KDM4C: variants seen among roughly 807,000 people sequenced by gnomAD.
The protein encoded by KDM4C is lysine demethylase 4C, also known as lysine-specific demethylase 4C.
A neutral mutation model predicts 129.3 loss-of-function variants in KDM4C; 81 were observed. That is an observed-to-expected ratio of 0.63 (90% CI 0.52 to 0.75). KDM4C has a LOEUF of 0.75. Among genes scored for constraint, KDM4C ranks in the 30% least tolerant of loss-of-function variants. KDM4C has a pLI of 0.00. For synonymous variants in KDM4C, 573 were observed against 456.1 expected (o/e 1.26, Z -3.26); for missense variants, 1,457 against 1,304.0 (o/e 1.12, Z -1.81).
At chr9:6,820,578 T>C (rs528412008) in intron 4 of KDM4C, among the ~76,000 whole-genome samples, 28 of 152,086 alleles carry the variant, frequency 1.8e-4, no homozygotes, top group Non-Finnish European at 4.0e-4. Flanking sequence ...ATGGTAGTTT[T>C]CATCCAGCTG....
Position 7,127,825 on chromosome 9 carries a change from A to G in KDM4C, c.2611-241A>G, listed in dbSNP as rs145102492. 22 of 378,858 alleles carry G rather than the reference A, an allele frequency of 5.8e-5. No homozygotes were observed. In the Admixed American group the frequency reaches 9.5e-4, roughly 16 times the overall value. 23.5% of individuals were successfully genotyped at this position (378,858 alleles called of 1,614,324 possible). ...TCTCTCTTTGTATATGCATACACAC[A>G]CAAAACCAATGGATGAACCTGGGTA... On this transcript the variant is annotated intron_variant, in intron 18 of 21. Transcript: ENST00000381309.
intron 8 of KDM4C, among the ~76,000 whole-genome samples, chr9:6,911,386 A>G (rs1381133601): frequency 3.3e-5 from 5 of 152,340 alleles, no homozygotes; most frequent in Admixed American, 6.5e-5. Context: ...ATAAATATCA[A>G]TAATTCTTCA....
chr9:6,770,728 A>G (rs118105185), intron 1 of KDM4C, among the ~76,000 whole-genome samples: 9,959 of 135,346 alleles, frequency 0.074, 498 homozygotes, highest in Non-Finnish European at 0.097. Flanking sequence ...TTTTTTTTCA[A>G]TATAGCCGGT....
chr9:6,770,205 C>G (rs112776757), intron 1 of KDM4C, among the ~76,000 whole-genome samples: 69 of 137,362 alleles, frequency 5.0e-4, no homozygotes, highest in African/African-American at 1.9e-3. Context: ...AACAAACAAA[C>G]AAAAAACACC....
intron 11 of KDM4C, among the ~76,000 whole-genome samples, chr9:6,987,572 G>A (rs1817951895): frequency 6.6e-6 from 1 of 152,152 alleles, no homozygotes; most frequent in Non-Finnish European, 1.5e-5. Context: ...AACAGACACT[G>A]CTCCTGCTGG....
intron 1 of KDM4C, among the ~76,000 whole-genome samples, chr9:6,769,013 T>G (rs56091147): frequency 0.058 from 8,763 of 152,120 alleles, 258 homozygotes; most frequent in East Asian, 0.12. Context: ...CCTCAAATGA[T>G]CCACCCACCT....
chr9:7,090,015 A>C (rs1225229777), intron 17 of KDM4C, among the ~76,000 whole-genome samples: 1 of 152,222 alleles, frequency 6.6e-6, no homozygotes, highest in Non-Finnish European at 1.5e-5. Context: ...AGAATCCCCC[A>C]AGCCTCCTCT....
At chr9:6,865,444 A>T (rs1841780882) in intron 5 of KDM4C, among the ~76,000 whole-genome samples, 1 of 152,208 alleles carries the variant, frequency 6.6e-6, no homozygotes, top group Non-Finnish European at 1.5e-5. Context: ...CCAGTCAGTC[A>T]CAGGTTTCTT....
At chr9:6,848,673 A>G (rs1031293910) in intron 4 of KDM4C, among the ~76,000 whole-genome samples, 5 of 141,344 alleles carry the variant, frequency 3.5e-5, no homozygotes, top group African/African-American at 8.3e-5. Flanking sequence ...TCTCAGGGGA[A>G]AAAAAAAAAA....
Position 7,019,724 on chromosome 9 carries a change from A to AT in KDM4C, c.2259+3800dup, listed in dbSNP as rs946114758. ...ATATTTTTATATATAAAAATATAATATTTTTATATATAAAAATATAATATT... is the reference window on the plus strand; with the variant it reads ...ATATTTTTATATATAAAAATATAATATTTTTTATATATAAAAATATAATATT... On this transcript the variant is annotated intron_variant, in intron 15 of 21. Transcript: ENST00000381309. 2.2e-3 allele frequency among the ~76,000 whole-genome samples: 241 copies of AT among 111,380 alleles called. 4 individuals are homozygous for AT. Among genetic ancestry groups the AT allele is most frequent in the Non-Finnish European group, 3.7e-3 (198 of 53,966 alleles). The allele number at this position is 111,380 out of a possible 152,430, so 73.1% of individuals were successfully genotyped here. A position where few individuals can be genotyped will look rare whatever the true frequency, so the allele number is the denominator to read the frequency against.
intron 1 of KDM4C, among the ~76,000 whole-genome samples, chr9:6,777,250 T>G (rs1823279099): frequency 6.6e-6 from 1 of 152,204 alleles, no homozygotes; most frequent in African/African-American, 2.4e-5. Flanking sequence ...AAGCAGACCT[T>G]AAGCACCCAA....
rs529277979 is a variant in KDM4C at position 7,038,638 on chromosome 9, C to T, written c.2260-8224C>T. On this transcript the variant is annotated intron_variant, in intron 15 of 21. Coordinates refer to ENST00000381309, the MANE Select transcript of KDM4C (RefSeq NM_015061.6). ...TTATAAACAGAAATGAAATTATAGTCGTTATATAGTCCTTCTCCATAGATT... is the reference window on the plus strand; with the variant it reads ...TTATAAACAGAAATGAAATTATAGTTGTTATATAGTCCTTCTCCATAGATT... 2.1e-4 allele frequency among the ~76,000 whole-genome samples: 32 copies of T among 152,040 alleles called. No individual in the cohort carries two copies. The South Asian group carries it at 6.2e-3, about 30-fold the overall frequency.
intron 4 of KDM4C, among the ~76,000 whole-genome samples, chr9:6,817,012 T>G (rs1469840138): frequency 6.6e-6 from 1 of 152,154 alleles, no homozygotes; most frequent in African/African-American, 2.4e-5. Context: ...TGAAGATATA[T>G]GATATTGTAG....
chr9:7,167,327 C>T (rs1844490598), intron 20 of KDM4C, among the ~76,000 whole-genome samples: 1 of 152,078 alleles, frequency 6.6e-6, no homozygotes, highest in East Asian at 1.9e-4. Context: ...ACCCTTGAGT[C>T]CCAGGCGAAC....
intron 17 of KDM4C, among the ~76,000 whole-genome samples, chr9:7,052,776 G>T (rs778229306): frequency 4.6e-5 from 7 of 151,998 alleles, no homozygotes; most frequent in Non-Finnish European, 1.5e-5. Flanking sequence ...GTACCCACGA[G>T]GTGGTGCTGC....
Position 6,963,623 on chromosome 9 carries a change from G to T in KDM4C, c.922-17302G>T, listed in dbSNP as rs1474577726. Among the ~76,000 whole-genome samples the T allele has an allele frequency of 6.6e-5, 10 of 152,340 alleles. No individual in the cohort carries two copies. In the East Asian group the frequency reaches 1.9e-3, roughly 29 times the overall value. ...TTCAGGATGTAGCAGAGGGGTAACA[G>T]TGGAGAGACAGGACATCTGAGTTGA... is the stretch of plus-strand genomic sequence containing the variant. On this transcript the variant is annotated intron_variant, in intron 8 of 21. Coordinates refer to ENST00000381309, the MANE Select transcript of KDM4C (RefSeq NM_015061.6).
rs1408083552 is a variant in KDM4C at position 6,725,987 on chromosome 9, C to T, written c.49+4990C>T. On this transcript the variant is annotated intron_variant, in intron 1 of 17. Transcript: ENST00000536108. ...TGTTGCCCAGGCTGGAGTGCAGTGGCGCGATCTCGGCTCACTGCAACCTCC... is the reference window on the plus strand; with the variant it reads ...TGTTGCCCAGGCTGGAGTGCAGTGGTGCGATCTCGGCTCACTGCAACCTCC... 3.2e-3 allele frequency among the ~76,000 whole-genome samples: 400 copies of T among 123,692 alleles called. No homozygotes were observed. In the Middle Eastern group the frequency reaches 0.033, roughly 10 times the overall value. The allele number at this position is 123,692 out of a possible 152,430, so 81.1% of individuals were successfully genotyped here.
chr9:6,786,877 A>G (rs1825609194), intron 1 of KDM4C, among the ~76,000 whole-genome samples: 1 of 152,186 alleles, frequency 6.6e-6, no homozygotes, highest in Non-Finnish European at 1.5e-5. Context: ...AGAATCAAAT[A>G]AATGAAACTT....
At chr9:7,146,956 G>A (rs1279326361) in intron 19 of KDM4C, among the ~76,000 whole-genome samples, 2 of 152,174 alleles carry the variant, frequency 1.3e-5, no homozygotes, top group Non-Finnish European at 2.9e-5. Context: ...CCTCCCAAGG[G>A]TTTTGTCTCC....
Sources: allele counts gnomAD v4.1 joint callset (sites outside exome capture counted in the v4.1 genomes callset), GRCh38; gene constraint gnomAD v4.1.1; transcripts MANE v1.5; gene names NCBI Gene and HGNC (gene_info 2026-07-23, HGNC 2026-07-21).